Variants in PRELID2 observed in about 807,000 individuals in gnomAD.
PRELID2 encodes PRELI domain-containing protein 2.
Under a neutral mutation model 28.4 loss-of-function variants are expected in PRELID2, and 25 were observed. That is an observed-to-expected ratio of 0.88 (90% CI 0.64 to 1.23). PRELID2 has a LOEUF of 1.23. Among genes scored for constraint, PRELID2 ranks in the 50% most tolerant of loss-of-function variants. The pLI is 0.00. For synonymous variants in PRELID2, 76 were observed against 71.6 expected, an observed-to-expected ratio of 1.06 and a Z score of -0.31; for missense variants, 201 against 214.4, an observed-to-expected ratio of 0.94 and a Z score of 0.39.
intron 1 of PRELID2, among the ~76,000 whole-genome samples, chr5:145,656,087 C>T (rs1164180279): frequency 6.6e-6 from 1 of 152,136 alleles, no homozygotes; most frequent in East Asian, 1.9e-4. Context: ...ACAAAGTGGG[C>T]AAAGGAGATG....
the PRELID2 span, among the ~76,000 whole-genome samples, chr5:145,265,066 A>T: frequency 6.6e-6 from 1 of 151,730 alleles, no homozygotes; most frequent in Non-Finnish European, 1.5e-5. Context: ...CTAAAGACTC[A>T]TTCAAAAAGC....
In PRELID2 at chr5:145,793,526, A is replaced by C. The variant is rs187280420; in HGVS notation, c.474+2916T>G. Among the ~76,000 whole-genome samples the C allele has an allele frequency of 8.4e-3, 1,287 of 152,324 alleles. 5 individuals carry two copies. The highest frequency in any genetic ancestry group is 0.014 in the Non-Finnish European group (960 of 68,026). On this transcript the variant is annotated intron_variant, in intron 5 of 6. Coordinates refer to ENST00000683046, the MANE Select transcript of PRELID2 (RefSeq NM_205846.3). ...GATAAAACAAAAAAGACACTCAGGC[A>C]TAAATGGCTCCTAAAATCAAAAAGC...
Position 145,748,763 on chromosome 5 carries a change from G to A in PRELID2, n.70+16168C>T, listed in dbSNP as rs188528446. ...CAATAACCAAAACAGCATGGCACTG[G>A]TACCAAAACAGATATACAGACAAAT... On this transcript the variant is annotated intron_variant and non_coding_transcript_variant, in intron 1 of 2. Transcript: ENST00000510259. Among the ~76,000 whole-genome samples, 488 of 152,242 alleles carry A rather than the reference G, an allele frequency of 3.2e-3. 3 individuals are homozygous for A. Among genetic ancestry groups the A allele is most frequent in the Non-Finnish European group, 4.5e-3 (303 of 68,012 alleles).
the PRELID2 span, among the ~76,000 whole-genome samples, chr5:145,426,350 G>A: frequency 6.6e-6 from 1 of 152,130 alleles, no homozygotes; most frequent in East Asian, 1.9e-4. Flanking sequence ...GAAGAATGGG[G>A]AGTGAGGACA....
chr5:145,319,463 G>A, the PRELID2 span, among the ~76,000 whole-genome samples: 1 of 152,050 alleles, frequency 6.6e-6, no homozygotes, highest in Admixed American at 6.6e-5. Flanking sequence ...GAGGTCAGGA[G>A]TTTGAGACCA....
rs563633303 is a variant in PRELID2 at position 145,640,349 on chromosome 5, G to A, written n.70+124582C>T. Among the ~76,000 whole-genome samples the A allele has an allele frequency of 3.8e-3, 576 of 152,062 alleles. 2 individuals carry two copies. Among genetic ancestry groups the A allele is most frequent in the African/African-American group, 0.013 (540 of 41,480 alleles). On this transcript the variant is annotated intron_variant and non_coding_transcript_variant, in intron 1 of 2. Coordinates refer to the PRELID2 transcript ENST00000510259. ...AAATTAGCCGGGCGTGGTGGCGGGC[G>A]CCTGTAGTCCCAGCTACTCGGGAGG...
chr5:145,495,558 T>C (rs902917434), intron 1 of PRELID2, among the ~76,000 whole-genome samples: 2 of 152,172 alleles, frequency 1.3e-5, no homozygotes, highest in African/African-American at 2.4e-5. Context: ...AGCCTGACTT[T>C]CAGAATTTAA....
the PRELID2 span, among the ~76,000 whole-genome samples, chr5:145,245,883 C>T: frequency 6.6e-6 from 1 of 151,884 alleles, no homozygotes; most frequent in Non-Finnish European, 1.5e-5. Context: ...TAAAAAGCAC[C>T]GTGGCACTCA....
chr5:145,448,630 C>T, the PRELID2 span, among the ~76,000 whole-genome samples: 1 of 152,122 alleles, frequency 6.6e-6, no homozygotes, highest in Admixed American at 6.6e-5. Flanking sequence ...ACAAGAAGAG[C>T]TAACTATCTT....
At chr5:145,260,308 G>A in the PRELID2 span, among the ~76,000 whole-genome samples, 1 of 151,900 alleles carries the variant, frequency 6.6e-6, no homozygotes, top group Non-Finnish European at 1.5e-5. Context: ...CAGTAAAAAG[G>A]CATCCAAACA....
intron 1 of PRELID2, among the ~76,000 whole-genome samples, chr5:145,623,268 C>T (rs543555374): frequency 1.3e-5 from 2 of 151,352 alleles, no homozygotes; most frequent in Non-Finnish European, 2.9e-5. Context: ...GCCAACATGG[C>T]GAAACCCCGT....
At chr5:145,491,164 T>C (rs1752265231) in intron 1 of PRELID2, among the ~76,000 whole-genome samples, 1 of 152,214 alleles carries the variant, frequency 6.6e-6, no homozygotes, top group Non-Finnish European at 1.5e-5. Context: ...ATATATTTCT[T>C]AACATATTAA....
intron 1 of PRELID2, among the ~76,000 whole-genome samples, chr5:145,482,160 A>G (rs991200596): frequency 1.3e-5 from 2 of 152,204 alleles, no homozygotes; most frequent in Non-Finnish European, 2.9e-5. Context: ...AAGCCATGAA[A>G]GGGGAAAGAA....
the PRELID2 span, among the ~76,000 whole-genome samples, chr5:145,413,611 TACACAC>T: frequency 0.34 from 48,203 of 139,948 alleles, 8,013 homozygotes; most frequent in Admixed American, 0.41. Context: ...ATGAAGAAAA[TACACAC>T]ACACACACAC....
intron 5 of PRELID2, among the ~76,000 whole-genome samples, chr5:145,778,079 C>T (rs1758529316): frequency 6.6e-6 from 1 of 152,152 alleles, no homozygotes; most frequent in Non-Finnish European, 1.5e-5. Context: ...AATTTGTGTG[C>T]CTTTTCTTGG....
intron 1 of PRELID2, among the ~76,000 whole-genome samples, chr5:145,549,971 T>G (rs1369158438): frequency 6.6e-6 from 1 of 152,080 alleles, no homozygotes; most frequent in East Asian, 1.9e-4. Flanking sequence ...AGTTGGAAAG[T>G]CCTGCCACAA....
At chr5:145,294,737 A>C in the PRELID2 span, among the ~76,000 whole-genome samples, 2 of 152,218 alleles carry the variant, frequency 1.3e-5, no homozygotes, top group Admixed American at 6.6e-5. Flanking sequence ...CATGTAGTTT[A>C]GGTGATAGAA....
the PRELID2 span, among the ~76,000 whole-genome samples, chr5:145,413,769 T>C: frequency 2.0e-5 from 3 of 152,160 alleles, no homozygotes; most frequent in African/African-American, 7.2e-5. Flanking sequence ...CTTTTTTAGG[T>C]TCCATACATA....
chr5:145,427,333 A>T, the PRELID2 span, among the ~76,000 whole-genome samples: 2 of 152,226 alleles, frequency 1.3e-5, no homozygotes, highest in Admixed American at 6.5e-5. Context: ...TTACCAAAAG[A>T]GCCCTGTGAC....
Sources: gnomAD v4.1 joint callset for allele counts (sites outside exome capture counted in the v4.1 genomes callset) on GRCh38, gnomAD v4.1.1 for gene constraint, MANE v1.5 for transcripts, NCBI Gene and HGNC (gene_info 2026-07-23, HGNC 2026-07-21) for gene names.